Variants in B3GNT7 observed in about 807,000 individuals in gnomAD.
The protein encoded by B3GNT7 is UDP-GlcNAc:betaGal beta-1,3-N-acetylglucosaminyltransferase 7.
Under a neutral mutation model 5.1 loss-of-function variants are expected in B3GNT7, and 9 were observed. That is an observed-to-expected ratio of 1.77 (90% CI 1.07 to 3.09). The LOEUF is 3.09. Ranked by LOEUF, B3GNT7 falls within the 30% of genes most tolerant of loss-of-function variation. The probability of loss-of-function intolerance (pLI) is 0.00; values close to 1 mark genes in which losing one functional copy is unlikely to be tolerated. For missense variants in B3GNT7, 468 were observed against 550.8 expected (o/e 0.85, Z 1.50); for synonymous variants, 253 against 248.6 (o/e 1.02, Z -0.17).
chr2:231,398,633 T>TGGCCGGCAGCCTG lies in B3GNT7; in HGVS notation c.916_928dup (p.Ala310GlyfsTer75), dbSNP rs2046537363. On this transcript the variant is annotated frameshift_variant, in exon 2 of 2. Transcript: ENST00000287590. LOFTEE classifies it high-confidence loss of function. ...TATGCAGGCGGCGGTGGCTTCCTCATGGCCGGCAGCCTGGCCCGGCGCCTG... is the reference window on the plus strand; with the variant it reads ...TATGCAGGCGGCGGTGGCTTCCTCATGGCCGGCAGCCTGGGCCGGCAGCCTGGCCCGGCGCCTG... 6.2e-7 allele frequency: 1 copy of TGGCCGGCAGCCTG among 1,612,046 alleles called. No individual in the cohort carries two copies.
chr2:231,399,220 C>T lies in B3GNT7; in HGVS notation c.*295C>T, dbSNP rs79524441. The T allele has an allele frequency of 8.0e-3, 3,575 of 444,706 alleles. 113 individuals are homozygous for T. The highest frequency in any genetic ancestry group is 0.064 in the African/African-American group (3,250 of 50,922). The allele number at this position is 444,706 out of a possible 1,614,324, so 27.5% of individuals were successfully genotyped here. ...CTCCTGACCTGGGTCCGTTGCTGGC[C>T]CCCTCAGATGTGGTGGGAGGTCCTG... On this transcript the variant is annotated 3_prime_UTR_variant, in exon 2 of 2. Coordinates refer to ENST00000287590, the MANE Select transcript of B3GNT7 (RefSeq NM_145236.3).
rs2046551690 is a variant in B3GNT7 at position 231,400,166 on chromosome 2, G to C, written c.*1241G>C. On this transcript the variant is annotated 3_prime_UTR_variant, in exon 2 of 2. Coordinates refer to ENST00000287590, the MANE Select transcript of B3GNT7 (RefSeq NM_145236.3). ...CCAGCTGCATCAGAGAGCCTGTCTG[G>C]GGCCAAGGTTGCCAGAGATTTCTGA... is the stretch of plus-strand genomic sequence containing the variant. The C allele has an allele frequency of 6.8e-6, 1 of 148,064 alleles. No individual in the cohort carries two copies. Among genetic ancestry groups the C allele is most frequent in the Non-Finnish European group, 1.5e-5 (1 of 67,570 alleles). 9.2% of individuals were successfully genotyped at this position (148,064 alleles called of 1,614,324 possible).
In B3GNT7 at chr2:231,398,666, C is replaced by T; in HGVS notation, c.947C>T (p.Ala316Val). Residue 316 changes from alanine to valine, a missense_variant, in exon 2 of 2, where the codon GCC (alanine) becomes GTC (valine). Ala to Val is a moderately conservative substitution (Grantham distance 64, BLOSUM62 0). Coordinates refer to ENST00000287590, the MANE Select transcript of B3GNT7 (RefSeq NM_145236.3). Reference sequence around the variant, plus strand: ...AGCCTGGCCCGGCGCCTGCACCATGCCTGCGACACCCTGGAGCTCTACCCG... The same window carrying T: ...AGCCTGGCCCGGCGCCTGCACCATGTCTGCGACACCCTGGAGCTCTACCCG... ...AGSLARRLHH[A>V]CDTLELYPID... The T allele has an allele frequency of 1.2e-6, 2 of 1,612,094 alleles. 1 individual carries two copies. Among genetic ancestry groups the T allele is most frequent in the South Asian group, 2.2e-5 (2 of 91,058 alleles).
Position 231,398,168 on chromosome 2 carries a change from G to A in B3GNT7, c.449G>A (p.Arg150His), listed in dbSNP as rs2046532306. ...VKSVITQHDRREAIRQTWGRE... is the reference protein window; with the variant it reads ...VKSVITQHDRHEAIRQTWGRE... ...TCGGTCATCACGCAGCACGACCGCC[G>A]CGAGGCCATCCGCCAGACCTGGGGC... Residue 150 changes from arginine to histidine, a missense_variant, in exon 2 of 2, where the codon CGC (arginine) becomes CAC (histidine). Physicochemically the swap from Arg to His is conservative, Grantham distance 29. Coordinates refer to ENST00000287590, the MANE Select transcript of B3GNT7 (RefSeq NM_145236.3). The A allele has an allele frequency of 1.3e-6, 2 of 1,591,908 alleles. No homozygotes were observed. Among genetic ancestry groups the A allele is most frequent in the Non-Finnish European group, 1.7e-6 (2 of 1,168,714 alleles).
intron 1 of B3GNT7, 102 bp from the exon 2 acceptor site, chr2:231,397,629 C>A (rs1483590481): frequency 1.8e-6 from 2 of 1,110,090 alleles, no homozygotes; most frequent in Non-Finnish European, 2.5e-6. Flanking sequence ...GTGCCCAGGT[C>A]CACTTGCCCG....
rs1575236508 is a variant in B3GNT7 at position 231,395,766 on chromosome 2, G to A, written c.-38G>A. 1.0e-5 allele frequency: 12 copies of A among 1,171,790 alleles called. No individual in the cohort carries two copies. The highest frequency in any genetic ancestry group is 1.2e-5 in the Non-Finnish European group (11 of 949,636). 72.6% of individuals were successfully genotyped at this position (1,171,790 alleles called of 1,614,324 possible). A position where few individuals can be genotyped will look rare whatever the true frequency, so the allele number is the denominator to read the frequency against. ...CCCGAGCCGTGGCGCCCAGAGCTGCGAGCCGCTCGCCCCTCCGCCGCTCCG... is the reference window on the plus strand; with the variant it reads ...CCCGAGCCGTGGCGCCCAGAGCTGCAAGCCGCTCGCCCCTCCGCCGCTCCG... On this transcript the variant is annotated 5_prime_UTR_variant, in exon 1 of 2. Transcript: ENST00000287590. This position sits in a 1 kb window ranked among gnomAD's most constrained non-coding sequence, Gnocchi z 7.3.
chr2:231,397,692 C>A, intron 1 of B3GNT7, 39 bp from the exon 2 acceptor site: 1 of 1,531,168 alleles, frequency 6.5e-7, no homozygotes, highest in Non-Finnish European at 8.8e-7. Flanking sequence ...CTGGGCTCAT[C>A]TTTTCTCTCT....
intron 1 of B3GNT7, among the ~76,000 whole-genome samples, 199 bp from the exon 2 acceptor site, chr2:231,397,532 A>G (rs1280995740): frequency 1.3e-5 from 2 of 151,996 alleles, no homozygotes; most frequent in East Asian, 3.9e-4. Flanking sequence ...CTCCTTGAGG[A>G]GAGGGCAGGG....
Position 231,400,799 on chromosome 2 carries a change from G to C in B3GNT7, c.*1874G>C. ...CCCTAGTTTATAAGACAGGAGAAAA[G>C]GGAGAAAGCAAAAAGCTGGAAAGAA... is the stretch of plus-strand genomic sequence containing the variant. On this transcript the variant is annotated 3_prime_UTR_variant, in exon 2 of 2. Transcript: ENST00000287590. 2.6e-5 allele frequency: 4 copies of C among 152,318 alleles called. 1 individual carries two copies. The South Asian group carries it at 8.3e-4, about 32-fold the overall frequency. 9.4% of individuals were successfully genotyped at this position (152,318 alleles called of 1,614,324 possible).
Position 231,398,231 on chromosome 2 carries a change from TGC to T in B3GNT7, c.515_516del (p.Arg172HisfsTer70). The T allele has an allele frequency of 6.2e-7, 1 of 1,609,226 alleles. No homozygotes were observed. The highest frequency in any genetic ancestry group is 8.5e-7 in the Non-Finnish European group (1 of 1,177,926). On this transcript the variant is annotated frameshift_variant, in exon 2 of 2. Coordinates refer to ENST00000287590, the MANE Select transcript of B3GNT7 (RefSeq NM_145236.3). LOFTEE classifies it low-confidence loss of function (END_TRUNC). ...TCCGCGGGTGGGGGCCGAGGCGCCGTGCGCACCCTCTTCCTGCTGGGCACGGC... is the reference window on the plus strand; with the variant it reads ...TCCGCGGGTGGGGGCCGAGGCGCCGTGCACCCTCTTCCTGCTGGGCACGGC...
rs566783236 is a variant in B3GNT7, at chr2:231,397,576, C to T, written c.12-155C>T. ...AGAAAGGGCAGGGTGGGAGAGGAAG[C>T]GGGACCCTACCCTGACAGCTTAGGG... On this transcript the variant is annotated intron_variant, in intron 1 of 1. Coordinates refer to ENST00000287590, the MANE Select transcript of B3GNT7 (RefSeq NM_145236.3). 3.9e-5 allele frequency among the ~76,000 whole-genome samples: 6 copies of T among 152,202 alleles called. No individual in the cohort carries two copies. In the East Asian group the frequency reaches 5.8e-4, roughly 15 times the overall value.
chr2:231,396,268 A>T (rs951243813), intron 1 of B3GNT7, among the ~76,000 whole-genome samples: 1 of 151,892 alleles, frequency 6.6e-6, no homozygotes, highest in African/African-American at 2.4e-5. Context: ...TTCCCTACGA[A>T]TGGAGCGGAC....
Position 231,397,751 on chromosome 2 carries a change from G to T in B3GNT7, c.32G>T (p.Ser11Ile). The change falls in exon 2 of 2, where the codon AGT (serine) becomes ATT (isoleucine). Residue 11 changes from serine to isoleucine, a missense_variant. Physicochemically the swap from Ser to Ile is moderately radical, Grantham distance 142 (BLOSUM62 -2). Coordinates refer to ENST00000287590, the MANE Select transcript of B3GNT7 (RefSeq NM_145236.3). MSLWKKTVYR[S>I]LCLALALLVA... Reference sequence around the variant, plus strand: ...CACAGGAAGAAAACCGTCTACCGGAGTCTGTGCCTGGCCCTGGCCCTGCTC... The same window carrying T: ...CACAGGAAGAAAACCGTCTACCGGATTCTGTGCCTGGCCCTGGCCCTGCTC... 6.2e-7 allele frequency: 1 copy of T among 1,613,150 alleles called. No individual in the cohort carries two copies. Among genetic ancestry groups the T allele is most frequent in the Non-Finnish European group, 8.5e-7 (1 of 1,179,716 alleles).
Position 231,398,733 on chromosome 2 carries a change from C to T in B3GNT7, c.1014C>T (p.Gly338=), listed in dbSNP as rs775160836. Residue 338 remains glycine (G), a synonymous_variant, in exon 2 of 2, where the codon GGC becomes GGT. Coordinates refer to ENST00000287590, the MANE Select transcript of B3GNT7 (RefSeq NM_145236.3). Reference sequence around the variant, plus strand: ...TGGGCATGTGCCTGGAGGTGCTGGGCGTGCAGCCCACGGCCCACGAGGGCT... The same window carrying T: ...TGGGCATGTGCCTGGAGGTGCTGGGTGTGCAGCCCACGGCCCACGAGGGCT... ...VFLGMCLEVL[G]VQPTAHEGFK... is the part of the protein sequence containing the mutation. The T allele has an allele frequency of 4.3e-6, 7 of 1,611,024 alleles. No individual in the cohort carries two copies. The highest frequency in any genetic ancestry group is 3.3e-5 in the South Asian group (3 of 91,088).
At position 231,399,673 on chromosome 2, in the gene B3GNT7, A is replaced by G. The variant is rs10445831; in HGVS notation, c.*748A>G. The G allele has an allele frequency of 0.58, 80,599 of 139,884 alleles. 22,056 individuals are homozygous for G. Among genetic ancestry groups the G allele is most frequent in the East Asian group, 0.75 (3,741 of 4,960 alleles). The allele number at this position is 139,884 out of a possible 1,614,324, so 8.7% of individuals were successfully genotyped here. The stretch of plus-strand genomic sequence containing the variant: ...CGAAGTCCCAGAGCTGCTGACCCCC[A>G]CCCCAGGCAAGTCTCTCCCGCAGCC... On this transcript the variant is annotated 3_prime_UTR_variant, in exon 2 of 2. Transcript: ENST00000287590.
chr2:231,398,289 G>A lies in B3GNT7; in HGVS notation c.570G>A (p.Gln190=). ...ASKQEERTHY[Q]QLLAYEDRLY... ...AGCAGGAGGAGCGCACGCACTACCA[G>A]CAGCTGCTGGCCTACGAAGACCGCC... The change falls in exon 2 of 2, where the codon CAG becomes CAA. Residue 190 remains glutamine (Q), a synonymous_variant. Transcript: ENST00000287590. The A allele has an allele frequency of 6.2e-7, 1 of 1,613,070 alleles. No individual in the cohort carries two copies. Among genetic ancestry groups the A allele is most frequent in the Non-Finnish European group, 8.5e-7 (1 of 1,179,880 alleles).
At position 231,398,023 on chromosome 2, in the gene B3GNT7, C is replaced by G. The variant is rs1437922421; in HGVS notation, c.304C>G (p.Gln102Glu). The G allele has an allele frequency of 6.2e-7, 1 of 1,610,276 alleles. No homozygotes were observed. Among genetic ancestry groups the G allele is most frequent in the Non-Finnish European group, 8.5e-7 (1 of 1,179,886 alleles). ...CAACTTGACCCACCAGCCCTGGTTCCAGGTCCTGGAGCCGCAGTTCCGGCA... is the reference window on the plus strand; with the variant it reads ...CAACTTGACCCACCAGCCCTGGTTCGAGGTCCTGGAGCCGCAGTTCCGGCA... ...NINLTHQPWF[Q>E]VLEPQFRQFL... The change falls in exon 2 of 2, where the codon CAG becomes GAG. Residue 102 changes from glutamine (Q) to glutamate (E), a missense_variant. Gln to Glu is a conservative substitution (Grantham distance 29). Coordinates refer to ENST00000287590, the MANE Select transcript of B3GNT7 (RefSeq NM_145236.3).
At position 231,395,975 on chromosome 2, in the gene B3GNT7, CGCG is replaced by C. The variant is rs982888461; in HGVS notation, c.11+175_11+177del. Among the ~76,000 whole-genome samples, 5 of 151,194 alleles carry C rather than the reference CGCG, an allele frequency of 3.3e-5. No homozygotes were observed. Reference sequence around the variant, plus strand: ...TCCCGGGGGCGGATGGGCGGGCGGGCGCGGCGGCGGCGGCGGGAGATGTTCGCG... The same window carrying C: ...TCCCGGGGGCGGATGGGCGGGCGGGCGCGGCGGCGGCGGGAGATGTTCGCG... On this transcript the variant is annotated intron_variant, in intron 1 of 1. Transcript: ENST00000287590. The surrounding 1 kb of genome is among the most constrained non-coding windows in gnomAD (Gnocchi z 7.3).
At chr2:231,396,666 T>G (rs1011139927) in intron 1 of B3GNT7, among the ~76,000 whole-genome samples, 28 of 152,136 alleles carry the variant, frequency 1.8e-4, no homozygotes, top group Admixed American at 5.9e-4. Flanking sequence ...CAGCGCCATC[T>G]CTCTGCTAGG....
Sources: gnomAD v4.1 joint callset for allele counts (sites outside exome capture counted in the v4.1 genomes callset) on GRCh38, gnomAD v4.1.1 for gene constraint, Gnocchi (gnomAD v3.1) non-coding constraint, MANE v1.5 for transcripts, NCBI Gene and HGNC (gene_info 2026-07-23, HGNC 2026-07-21) for gene names.